Variants in FYN observed in about 807,000 individuals in gnomAD.
The protein encoded by FYN is tyrosine-protein kinase Fyn.
Under a neutral mutation model 70.2 loss-of-function variants are expected in FYN, and 10 were observed. The ratio of observed to expected loss-of-function variants is 0.14; its 90% CI spans 0.09 to 0.24. The LOEUF (loss-of-function observed/expected upper bound fraction) is 0.24, where lower values mean the gene tolerates loss of function less well. Ranked by LOEUF, FYN falls within the 10% of genes least tolerant of loss-of-function variation. The probability of loss-of-function intolerance (pLI) is 1.00; values close to 1 mark genes in which losing one functional copy is unlikely to be tolerated. For synonymous variants in FYN, 236 were observed against 248.6 expected (o/e 0.95, Z 0.48); for missense variants, 319 against 673.1 (o/e 0.47, Z 5.82).
At chr6:111,683,404 CTT>C (rs758477838) in intron 12 of FYN, among the ~76,000 whole-genome samples, 1 of 152,172 alleles carries the variant, frequency 6.6e-6, no homozygotes, top group African/African-American at 2.4e-5. Context: ...AAGTCTCTCT[CTT>C]TTTTATTTTT....
intron 10 of FYN, 94 bp downstream of exon 10, chr6:111,696,183 A>G: frequency 1.8e-6 from 2 of 1,119,584 alleles, no homozygotes; most frequent in Non-Finnish European, 2.5e-6. Flanking sequence ...CCAGGCAGAA[A>G]CTAGAAAAGT....
At chr6:111,831,003 T>C (rs1295458704) in intron 2 of FYN, among the ~76,000 whole-genome samples, 1 of 152,158 alleles carries the variant, frequency 6.6e-6, no homozygotes, top group African/African-American at 2.4e-5. Flanking sequence ...AATCCACACA[T>C]ATCTTTGGGT....
intron 13 of FYN, among the ~76,000 whole-genome samples, chr6:111,666,467 C>T (rs993522019): frequency 6.6e-6 from 1 of 152,126 alleles, no homozygotes; most frequent in African/African-American, 2.4e-5. Flanking sequence ...TCTAGCCTCA[C>T]GGGAGCCACC....
At chr6:111,846,832 T>C (rs1773543260) in intron 1 of FYN, among the ~76,000 whole-genome samples, 1 of 152,204 alleles carries the variant, frequency 6.6e-6, no homozygotes, top group Non-Finnish European at 1.5e-5. Context: ...CCTGGCCTTG[T>C]ACCACCAAAG....
chr6:111,794,359 A>C (rs1771735541), intron 2 of FYN, among the ~76,000 whole-genome samples: 1 of 152,230 alleles, frequency 6.6e-6, no homozygotes, highest in Non-Finnish European at 1.5e-5. Context: ...TTTGATCATG[A>C]ATGCCACAGA....
At chr6:111,684,256 T>C (rs1202080869) in intron 12 of FYN, among the ~76,000 whole-genome samples, 2 of 152,052 alleles carry the variant, frequency 1.3e-5, no homozygotes, top group African/African-American at 4.8e-5. Flanking sequence ...CCCGAACATA[T>C]TGCAAAGATA....
In FYN at chr6:111,826,686, G is replaced by A. The variant is rs535866145; in HGVS notation, c.-82+19903C>T. On this transcript the variant is annotated intron_variant, in intron 2 of 13. Transcript: ENST00000354650. ...CTCCTTACCACATTATTTTAGTTTT[G>A]CATAGGACATATCCCCTTCTAACAA... Among the ~76,000 whole-genome samples the A allele has an allele frequency of 3.9e-5, 6 of 152,154 alleles. No homozygotes were observed. In the East Asian group the frequency reaches 9.7e-4, roughly 25 times the overall value.
intron 9 of FYN, 99 bp downstream of exon 9, chr6:111,699,994 ATTCAAACTTTC>A: frequency 1.1e-6 from 1 of 893,800 alleles, no homozygotes; most frequent in African/African-American, 1.7e-5. Flanking sequence ...ACTATTAGTA[ATTCAAACTTTC>A]TTCCCGGTCA....
intron 2 of FYN, among the ~76,000 whole-genome samples, chr6:111,834,867 C>T (rs1252267787): frequency 6.6e-6 from 1 of 152,162 alleles, no homozygotes; most frequent in Non-Finnish European, 1.5e-5. Context: ...TTCTTCCTTC[C>T]TCATTCCTAT....
intron 2 of FYN, among the ~76,000 whole-genome samples, chr6:111,829,121 T>G (rs1276815069): frequency 1.3e-5 from 2 of 152,230 alleles, no homozygotes; most frequent in African/African-American, 4.8e-5. Context: ...GGAAAACTGT[T>G]AGAAAACATG....
chr6:111,827,258 A>G (rs191878915), intron 2 of FYN, among the ~76,000 whole-genome samples: 17 of 152,306 alleles, frequency 1.1e-4, no homozygotes, highest in African/African-American at 3.1e-4. Context: ...CCACAATGTG[A>G]GGTATCATTA....
chr6:111,782,430 G>A lies in FYN; in HGVS notation c.-81-1795C>T, dbSNP rs549716162. ...ATTAATATTATCTCATTGCTCCTTC[G>A]CAGCCTATGAGGTCCTAAACATGTA... On this transcript the variant is annotated intron_variant, in intron 2 of 13. Coordinates refer to ENST00000354650, the MANE Select transcript of FYN (RefSeq NM_002037.5). Among the ~76,000 whole-genome samples, 5 of 152,104 alleles carry A rather than the reference G, an allele frequency of 3.3e-5. No homozygotes were observed. In the East Asian group the frequency reaches 5.8e-4, roughly 18 times the overall value.
chr6:111,810,898 T>C (rs937126972), intron 2 of FYN, among the ~76,000 whole-genome samples: 1 of 152,252 alleles, frequency 6.6e-6, no homozygotes, highest in Non-Finnish European at 1.5e-5. Flanking sequence ...AGGGTCCTTT[T>C]CCTATCCACT....
chr6:111,849,114 C>T (rs1255608301), intron 1 of FYN, among the ~76,000 whole-genome samples: 1 of 152,120 alleles, frequency 6.6e-6, no homozygotes, highest in East Asian at 1.9e-4. Context: ...AGGGCATTTT[C>T]CATGCTTTTA....
chr6:111,666,147 C>T (rs1342764822), intron 13 of FYN, among the ~76,000 whole-genome samples: 1 of 151,964 alleles, frequency 6.6e-6, no homozygotes, highest in African/African-American at 2.4e-5. Flanking sequence ...GATCCTTTTT[C>T]TCCTTTCTTA....
chr6:111,676,139 G>A (rs1798522443), intron 12 of FYN, among the ~76,000 whole-genome samples: 1 of 152,150 alleles, frequency 6.6e-6, no homozygotes, highest in African/African-American at 2.4e-5. Flanking sequence ...AATAGCCAGA[G>A]GTATGATAAA....
intron 2 of FYN, among the ~76,000 whole-genome samples, chr6:111,811,998 C>T (rs1466471245): frequency 6.6e-6 from 1 of 152,142 alleles, no homozygotes; most frequent in Non-Finnish European, 1.5e-5. Flanking sequence ...GTCCTAGGAC[C>T]CTCTGCACCC....
intron 2 of FYN, chr6:111,814,245 T>C (rs1273007141): frequency 6.6e-6 from 1 of 151,990 alleles, no homozygotes; most frequent in Non-Finnish European, 1.5e-5. Context: ...AAACAAAACC[T>C]AACATTTGGG....
At chr6:111,815,911 C>T (rs1017375941) in intron 2 of FYN, among the ~76,000 whole-genome samples, 3 of 151,932 alleles carry the variant, frequency 2.0e-5, no homozygotes, top group African/African-American at 7.3e-5. Context: ...TGCTGCCCAG[C>T]TTGGTCTTGA....
Sources: gnomAD v4.1 joint callset for allele counts (sites outside exome capture counted in the v4.1 genomes callset) on GRCh38, gnomAD v4.1.1 for gene constraint, MANE v1.5 for transcripts, NCBI Gene and HGNC (gene_info 2026-07-23, HGNC 2026-07-21) for gene names.